The following TECPR2 variants were observed in gnomAD, a reference collection of about 807,000 sequenced individuals.
TECPR2 encodes the protein tectonin beta-propeller repeat containing 2.
Under a neutral mutation model 138.1 loss-of-function variants are expected in TECPR2, and 65 were observed. The observed-to-expected ratio is 0.47, with a 90% confidence interval of 0.39 to 0.58. The LOEUF is 0.58. Among genes scored for constraint, TECPR2 ranks in the 20% least tolerant of loss-of-function variants. TECPR2 has a pLI of 0.00. For missense variants in TECPR2, 1,553 were observed against 1,824.5 expected (o/e 0.85, Z 2.71); for synonymous variants, 746 against 749.8 (o/e 0.99, Z 0.08).
intron 17 of TECPR2, among the ~76,000 whole-genome samples, chr14:102,474,071 A>G (rs1420654739): frequency 6.6e-6 from 1 of 152,030 alleles, no homozygotes; most frequent in Non-Finnish European, 1.5e-5. Context: ...CAGCCTAGGC[A>G]GCGTAGTGAG....
Position 102,438,218 on chromosome 14 carries a change from GCTCCCTGCTCC to G in TECPR2, c.2578+15_2578+25del. The G allele has an allele frequency of 1.1e-6, 1 of 870,526 alleles. No individual in the cohort carries two copies. The allele number at this position is 870,526 out of a possible 1,614,324, so 53.9% of individuals were successfully genotyped here. On this transcript the variant is annotated intron_variant, in intron 10 of 19. Transcript: ENST00000359520. Reference sequence around the variant, plus strand: ...GTCTCGCCCTCAGGTTCGCCTCCCCGCTCCCTGCTCCCGCTCCCTGCTCCCGCTCGCCGCTC... The same window carrying G: ...GTCTCGCCCTCAGGTTCGCCTCCCCGCGCTCCCTGCTCCCGCTCGCCGCTC...
At chr14:102,387,490 C>A (rs1298053154) in intron 2 of TECPR2, among the ~76,000 whole-genome samples, 3 of 151,308 alleles carry the variant, frequency 2.0e-5, no homozygotes, top group African/African-American at 7.3e-5. Context: ...TAGCATTCAA[C>A]AAGCCAATGA....
rs1212130112 is a variant in TECPR2 at position 102,498,132 on chromosome 14, G to A, written c.4111G>A (p.Gly1371Ser). 4 of 1,613,526 alleles carry A rather than the reference G, an allele frequency of 2.5e-6. No individual in the cohort carries two copies. The highest frequency in any genetic ancestry group is 1.7e-5 in the Admixed American group (1 of 60,014). Residue 1371 changes from glycine (G) to serine (S), a missense_variant, in exon 20 of 20, where the codon GGC (glycine) becomes AGC (serine). Transcript: ENST00000359520. The part of the protein sequence containing the change: ...VTASDELWAV[G>S]PPGYLLQRLT... Reference sequence around the variant, plus strand: ...TGCGTCAGATGAGCTGTGGGCTGTGGGCCCGCCCGGCTACCTCCTCCAACG... The same window carrying A: ...TGCGTCAGATGAGCTGTGGGCTGTGAGCCCGCCCGGCTACCTCCTCCAACG...
intron 2 of TECPR2, among the ~76,000 whole-genome samples, chr14:102,400,645 ATTTAAATATT>A (rs1434134845): frequency 6.6e-6 from 1 of 152,214 alleles, no homozygotes; most frequent in Non-Finnish European, 1.5e-5. Context: ...TGAGAAAGGA[ATTTAAATATT>A]TTAATGTACC....
chr14:102,437,486 G>A (rs1223036460), intron 9 of TECPR2, among the ~76,000 whole-genome samples: 1 of 152,064 alleles, frequency 6.6e-6, no homozygotes, highest in African/African-American at 2.4e-5. Flanking sequence ...CCCAGGAGGC[G>A]GAGGTTGCAG....
At chr14:102,475,051 A>G (rs1041740642) in intron 17 of TECPR2, among the ~76,000 whole-genome samples, 1 of 152,198 alleles carries the variant, frequency 6.6e-6, no homozygotes, top group Non-Finnish European at 1.5e-5. Context: ...ATCCAGGGAC[A>G]CTCACAGGCT....
rs748372168 is a variant in TECPR2 at position 102,457,869 on chromosome 14, C to CTTTTTTTTTTTTTTTTTT, written c.3640+5246_3640+5263dup. 2.0e-4 allele frequency among the ~76,000 whole-genome samples: 21 copies of CTTTTTTTTTTTTTTTTTT among 102,746 alleles called. 3 individuals carry two copies. The highest frequency in any genetic ancestry group is 2.9e-4 in the African/African-American group (7 of 24,488). 67.4% of individuals were successfully genotyped at this position (102,746 alleles called of 152,430 possible). A position where few individuals can be genotyped will look rare whatever the true frequency, so the allele number is the denominator to read the frequency against. On this transcript the variant is annotated intron_variant, in intron 16 of 19. Coordinates refer to ENST00000359520, the MANE Select transcript of TECPR2 (RefSeq NM_014844.5). ...CGCTCCTCTGCTCCCACTAAATTCC[C>CTTTTTTTTTTTTTTTTTT]TTTTTTTTTTTTTTTTTTTTTGAGA...
At chr14:102,473,076 G>A (rs1220097230) in intron 17 of TECPR2, among the ~76,000 whole-genome samples, 1 of 152,258 alleles carries the variant, frequency 6.6e-6, no homozygotes, top group Non-Finnish European at 1.5e-5. Context: ...CCCTAGCTCA[G>A]AGGTTCAGAA....
At chr14:102,456,439 G>T (rs1368967330) in intron 16 of TECPR2, among the ~76,000 whole-genome samples, 2 of 152,102 alleles carry the variant, frequency 1.3e-5, no homozygotes, top group Admixed American at 1.3e-4. Flanking sequence ...TGGCAGCTTT[G>T]TGTTGGGGCA....
At chr14:102,382,827 C>T (rs1048714401) in intron 2 of TECPR2, among the ~76,000 whole-genome samples, 4 of 151,784 alleles carry the variant, frequency 2.6e-5, no homozygotes, top group South Asian at 2.1e-4. Flanking sequence ...GGTGCGATCT[C>T]GGCTCACTGC....
chr14:102,377,723 A>T (rs1038206488), intron 2 of TECPR2, among the ~76,000 whole-genome samples: 2 of 152,180 alleles, frequency 1.3e-5, no homozygotes, highest in Admixed American at 1.3e-4. Context: ...AGAAAGAAAG[A>T]AAAAAAGAGA....
chr14:102,389,098 C>G (rs1331823797), intron 2 of TECPR2, among the ~76,000 whole-genome samples: 2 of 151,734 alleles, frequency 1.3e-5, no homozygotes, highest in African/African-American at 2.4e-5. Flanking sequence ...CCACTGCACT[C>G]CAGCCTGGGC....
chr14:102,472,199 C>T (rs1199934066), intron 17 of TECPR2, among the ~76,000 whole-genome samples: 1 of 152,202 alleles, frequency 6.6e-6, no homozygotes, highest in Non-Finnish European at 1.5e-5. Context: ...GGGCTGGAGC[C>T]ACCCTTGCCT....
intron 17 of TECPR2, among the ~76,000 whole-genome samples, chr14:102,483,976 C>G (rs10130538): frequency 1.3e-5 from 1 of 78,976 alleles, no homozygotes; most frequent in Non-Finnish European, 2.4e-5. Flanking sequence ...CTTATATTTT[C>G]AGTAGAGACA....
chr14:102,497,200 G>C, intron 18 of TECPR2, 80 bp downstream of exon 18: 1 of 1,528,118 alleles, frequency 6.5e-7, no homozygotes, highest in East Asian at 2.3e-5. Flanking sequence ...CTCCCTCCAG[G>C]CCGCTGTCTG....
Position 102,443,847 on chromosome 14 carries a change from T to A in TECPR2, c.2933+20T>A. The A allele has an allele frequency of 6.5e-7, 1 of 1,533,850 alleles. No homozygotes were observed. The highest frequency in any genetic ancestry group is 1.2e-5 in the South Asian group (1 of 81,136). On this transcript the variant is annotated intron_variant, in intron 12 of 19. Transcript: ENST00000359520. The surrounding 1 kb of genome is among the most constrained non-coding windows in gnomAD (Gnocchi z 4.9). ...TGTCAGGTACTGGCGGGCCAGAGAC[T>A]CCTTTCACATCGTGCTTGTCCTACC...
chr14:102,442,082 G>A (rs547812156), intron 11 of TECPR2, among the ~76,000 whole-genome samples: 10 of 152,266 alleles, frequency 6.6e-5, no homozygotes, highest in African/African-American at 2.4e-4. Flanking sequence ...GGGTTCAAGC[G>A]ATTCTCCTAC....
intron 2 of TECPR2, among the ~76,000 whole-genome samples, chr14:102,404,037 A>G (rs1046653636): frequency 1.3e-5 from 2 of 150,358 alleles, no homozygotes; most frequent in Non-Finnish European, 2.9e-5. Flanking sequence ...AGCTAGGACT[A>G]CAGGCATGCA....
chr14:102,436,360 C>A (rs1395052957), intron 9 of TECPR2, among the ~76,000 whole-genome samples: 1 of 150,696 alleles, frequency 6.6e-6, no homozygotes, highest in Non-Finnish European at 1.5e-5. Context: ...ACTCTGTCAC[C>A]CAGGATGGAG....
Sources: gnomAD v4.1 joint callset for allele counts (sites outside exome capture counted in the v4.1 genomes callset) on GRCh38, gnomAD v4.1.1 for gene constraint, Gnocchi (gnomAD v3.1) non-coding constraint, MANE v1.5 for transcripts, NCBI Gene and HGNC (gene_info 2026-07-23, HGNC 2026-07-21) for gene names.